NELL1: variants seen among roughly 807,000 people sequenced by gnomAD.
NELL1 encodes the protein protein kinase C-binding protein NELL1.
NELL1 carries 76 observed loss-of-function variants against 107.4 expected under a neutral mutation model. That is an observed-to-expected ratio of 0.71 (90% confidence interval 0.59 to 0.86). The LOEUF is 0.86. Among genes scored for constraint, NELL1 ranks in the 40% least tolerant of loss-of-function variants. The pLI is 0.00. For missense variants in NELL1, 1,024 were observed against 1,005.5 expected, an observed-to-expected ratio of 1.02 and a Z score of -0.25; for synonymous variants, 353 against 341.2, an observed-to-expected ratio of 1.03 and a Z score of -0.38.
At chr11:21,564,009 G>A (rs924184815) in intron 17 of NELL1, among the ~76,000 whole-genome samples, 5 of 151,896 alleles carry the variant, frequency 3.3e-5, no homozygotes, top group Non-Finnish European at 7.4e-5. Context: ...TATAAGAAGG[G>A]TATAGTCACT....
In NELL1 at chr11:21,083,957, G is replaced by C. The variant is rs144885765; in HGVS notation, c.1301-29632G>C. Reference sequence around the variant, plus strand: ...GGGATTTCATTAAGAAATATACAAGGAGCCTTATAAAATAGAAATGACTTG... The same window carrying C: ...GGGATTTCATTAAGAAATATACAAGCAGCCTTATAAAATAGAAATGACTTG... On this transcript the variant is annotated intron_variant, in intron 12 of 19. Coordinates refer to ENST00000357134, the MANE Select transcript of NELL1 (RefSeq NM_006157.5). Among the ~76,000 whole-genome samples the C allele has an allele frequency of 2.9e-3, 436 of 152,186 alleles. 4 individuals carry two copies. The highest frequency in any genetic ancestry group is 0.01 in the African/African-American group (427 of 41,514).
chr11:21,498,442 C>G (rs574541038), intron 15 of NELL1, among the ~76,000 whole-genome samples: 1 of 150,276 alleles, frequency 6.7e-6, no homozygotes, highest in Admixed American at 6.6e-5. Flanking sequence ...TGGTTTTTCA[C>G]TCAGTTGTGT....
At chr11:21,252,470 G>T (rs141267186) in intron 14 of NELL1, among the ~76,000 whole-genome samples, 2 of 152,200 alleles carry the variant, frequency 1.3e-5, no homozygotes, top group African/African-American at 4.8e-5. Context: ...CCATGCGTAA[G>T]TTTCTTTCAA....
intron 12 of NELL1, among the ~76,000 whole-genome samples, chr11:20,970,099 A>G (rs962519309): frequency 1.1e-4 from 12 of 110,112 alleles, no homozygotes; most frequent in Non-Finnish European, 1.7e-4. Flanking sequence ...ATCCATCCGT[A>G]CTCTGAACAT....
chr11:21,456,010 C>T lies in NELL1; in HGVS notation c.1646-78364C>T, dbSNP rs547727910. Among the ~76,000 whole-genome samples, 34 of 151,442 alleles carry T rather than the reference C, an allele frequency of 2.2e-4. No homozygotes were observed. The South Asian group carries it at 6.7e-3, about 30-fold the overall frequency. ...TCCAGCATTTCTCCTGTCTCAGCCTCCCGAGTGAGTAGCTGGGACTACAGG... is the reference window on the plus strand; with the variant it reads ...TCCAGCATTTCTCCTGTCTCAGCCTTCCGAGTGAGTAGCTGGGACTACAGG... On this transcript the variant is annotated intron_variant, in intron 15 of 19. Transcript: ENST00000357134.
rs77666957 is a variant in NELL1, at chr11:20,869,331, C to T, written c.507-16113C>T. Among the ~76,000 whole-genome samples, 1,339 of 152,226 alleles carry T rather than the reference C, an allele frequency of 8.8e-3. 25 individuals are homozygous for T. The highest frequency in any genetic ancestry group is 0.031 in the African/African-American group (1,286 of 41,542). ...ATGTGCATAGAAATTTTCATTTATG[C>T]ATGGAAATGTATGGCATTTACTTGA... is the stretch of plus-strand genomic sequence containing the variant. On this transcript the variant is annotated intron_variant, in intron 4 of 19. Coordinates refer to ENST00000357134, the MANE Select transcript of NELL1 (RefSeq NM_006157.5).
chr11:20,978,200 C>T (rs1388801819), intron 12 of NELL1, among the ~76,000 whole-genome samples: 2 of 152,186 alleles, frequency 1.3e-5, no homozygotes, highest in Admixed American at 1.3e-4. Context: ...CAAACCATCT[C>T]ATTTGTCTTG....
At chr11:20,955,849 G>A (rs1467387187) in intron 11 of NELL1, among the ~76,000 whole-genome samples, 3 of 152,066 alleles carry the variant, frequency 2.0e-5, no homozygotes. Flanking sequence ...ATTCTAGAAT[G>A]TTATCACTGA....
At chr11:21,054,152 T>C (rs1184188546) in intron 12 of NELL1, among the ~76,000 whole-genome samples, 1 of 152,066 alleles carries the variant, frequency 6.6e-6, no homozygotes, top group African/African-American at 2.4e-5. Flanking sequence ...ACTCTTCCAA[T>C]TTCTGCCTGT....
In NELL1 at chr11:21,273,167, C is replaced by T. The variant is rs750245637; in HGVS notation, c.1549+43713C>T. On this transcript the variant is annotated intron_variant, in intron 14 of 19. Transcript: ENST00000357134. ...TTAAAAATCTTGAAAAAAAATTAGA[C>T]GAATGGCTAACTAGAATAACCAATA... Among the ~76,000 whole-genome samples the T allele has an allele frequency of 5.3e-5, 8 of 152,046 alleles. No individual in the cohort carries two copies. In the East Asian group the frequency reaches 5.8e-4, roughly 11 times the overall value.
In NELL1 at chr11:21,457,981, G is replaced by T. The variant is rs1057219260; in HGVS notation, c.1646-76393G>T. Reference sequence around the variant, plus strand: ...TCAGAGGTGACATTTGATAAGTGGCGAGGTAAAAGACTAATTGAGATGACA... The same window carrying T: ...TCAGAGGTGACATTTGATAAGTGGCTAGGTAAAAGACTAATTGAGATGACA... On this transcript the variant is annotated intron_variant, in intron 15 of 19. Transcript: ENST00000357134. Among the ~76,000 whole-genome samples the T allele has an allele frequency of 4.6e-5, 7 of 151,564 alleles. No homozygotes were observed. The South Asian group carries it at 1.5e-3, about 32-fold the overall frequency.
intron 4 of NELL1, among the ~76,000 whole-genome samples, chr11:20,863,611 C>T (rs1400362420): frequency 6.8e-6 from 1 of 148,002 alleles, no homozygotes; most frequent in Non-Finnish European, 1.5e-5. Context: ...AGAGGCGGTC[C>T]TCACCTCCCA....
At chr11:21,444,862 C>T (rs1853380148) in intron 15 of NELL1, among the ~76,000 whole-genome samples, 1 of 152,014 alleles carries the variant, frequency 6.6e-6, no homozygotes. Context: ...CCCTTCCTGT[C>T]TTCCTTTTAG....
chr11:20,783,242 T>C (rs1350202251), intron 2 of NELL1, among the ~76,000 whole-genome samples: 1 of 152,218 alleles, frequency 6.6e-6, no homozygotes, highest in Non-Finnish European at 1.5e-5. Flanking sequence ...TTGGGTCTTA[T>C]TATCCCAAGA....
At chr11:20,996,456 C>T (rs537506212) in intron 12 of NELL1, among the ~76,000 whole-genome samples, 6 of 152,292 alleles carry the variant, frequency 3.9e-5, no homozygotes, top group African/African-American at 9.6e-5. Context: ...TCTGCTGTCA[C>T]TGGGGCTACT....
At chr11:21,061,036 C>T (rs1853729216) in intron 12 of NELL1, among the ~76,000 whole-genome samples, 1 of 152,172 alleles carries the variant, frequency 6.6e-6, no homozygotes, top group African/African-American at 2.4e-5. Context: ...CGCCTGGCCC[C>T]ACCCTTTCTT....
chr11:21,339,433 G>T (rs1174158364), intron 14 of NELL1, among the ~76,000 whole-genome samples: 11 of 152,172 alleles, frequency 7.2e-5, no homozygotes, highest in Admixed American at 7.2e-4. Flanking sequence ...TCAGCCTATA[G>T]AACTGTGAGA....
chr11:20,727,803 C>G (rs1455183771), intron 2 of NELL1, among the ~76,000 whole-genome samples: 1 of 152,114 alleles, frequency 6.6e-6, no homozygotes, highest in Non-Finnish European at 1.5e-5. Flanking sequence ...CCAGTTTCAG[C>G]TTTCTACATA....
intron 15 of NELL1, among the ~76,000 whole-genome samples, chr11:21,416,796 A>G: frequency 6.6e-6 from 1 of 152,052 alleles, no homozygotes; most frequent in East Asian, 1.9e-4. Context: ...ACCCATCTTC[A>G]TTTGCAGTGA....
Sources: gnomAD v4.1 joint callset for allele counts (sites outside exome capture counted in the v4.1 genomes callset) on GRCh38, gnomAD v4.1.1 for gene constraint, MANE v1.5 for transcripts, NCBI Gene and HGNC (gene_info 2026-07-23, HGNC 2026-07-21) for gene names.